Variants in AUTS2 observed in about 807,000 individuals in gnomAD.
AUTS2 encodes autism susceptibility gene 2 protein.
A neutral mutation model predicts 112.4 loss-of-function variants in AUTS2; 17 were observed. The observed-to-expected ratio is 0.15, with a 90% CI of 0.10 to 0.23. The LOEUF is 0.23. AUTS2 is among the 10% of genes least tolerant of loss of function. The pLI, the probability that AUTS2 is intolerant of heterozygous loss-of-function variation, is 1.00. For missense variants in AUTS2, 1,510 were observed against 1,701.6 expected (o/e 0.89, Z 1.98); for synonymous variants, 751 against 702.7 (o/e 1.07, Z -1.09).
intron 1 of AUTS2, among the ~76,000 whole-genome samples, chr7:69,774,645 A>C (rs1462048429): frequency 1.3e-5 from 2 of 152,246 alleles, no homozygotes; most frequent in Non-Finnish European, 2.9e-5. Context: ...ACCATGAGGG[A>C]AATTTTTGAG....
chr7:70,281,480 CT>C lies in AUTS2; in HGVS notation c.660+146912del, dbSNP rs201914399. Among the ~76,000 whole-genome samples, 1,074 of 152,292 alleles carry C rather than the reference CT, an allele frequency of 7.1e-3. 6 individuals are homozygous for C. Among genetic ancestry groups the C allele is most frequent in the Non-Finnish European group, 0.012 (830 of 68,028 alleles). On this transcript the variant is annotated intron_variant, in intron 4 of 18. Transcript: ENST00000342771. ...AGCAAGTGCTGTAGAAAGTTTTCTT[CT>C]TTGTAGTTAAAGTGATAGGGTGGAA... is the stretch of plus-strand genomic sequence containing the variant.
intron 5 of AUTS2, among the ~76,000 whole-genome samples, chr7:70,497,254 A>G (rs905141779): frequency 6.7e-6 from 1 of 150,098 alleles, no homozygotes; most frequent in Non-Finnish European, 1.5e-5. Flanking sequence ...CACCACGTAC[A>G]CAGTCACACA....
intron 5 of AUTS2, among the ~76,000 whole-genome samples, chr7:70,669,156 A>G (rs1310605551): frequency 6.6e-6 from 1 of 152,242 alleles, no homozygotes; most frequent in African/African-American, 2.4e-5. Flanking sequence ...AACAGCGGTC[A>G]GAAGTGAGGC....
chr7:70,102,640 C>T (rs1804560621), intron 2 of AUTS2, among the ~76,000 whole-genome samples: 1 of 151,828 alleles, frequency 6.6e-6, no homozygotes, highest in Admixed American at 6.6e-5. Context: ...TATTCTTTTC[C>T]TTCTAATAAT....
intron 4 of AUTS2, among the ~76,000 whole-genome samples, chr7:70,179,514 C>A (rs561069959): frequency 6.6e-5 from 10 of 152,346 alleles, no homozygotes; most frequent in African/African-American, 2.4e-4. Flanking sequence ...TGTCTGACTT[C>A]TGTGTCCATC....
chr7:69,643,337 A>T (rs1476804842), intron 1 of AUTS2: 1 of 153,684 alleles, frequency 6.5e-6, no homozygotes, highest in Non-Finnish European at 1.5e-5. Flanking sequence ...TCAAGGTGAG[A>T]TGATCACACA....
chr7:69,876,181 A>G (rs1017882235), intron 1 of AUTS2, among the ~76,000 whole-genome samples: 1 of 150,524 alleles, frequency 6.6e-6, no homozygotes, highest in African/African-American at 2.4e-5. Context: ...CCTAACGAAC[A>G]CGGTGAAACC....
At chr7:69,999,543 A>G (rs1478717684) in intron 2 of AUTS2, among the ~76,000 whole-genome samples, 1 of 152,214 alleles carries the variant, frequency 6.6e-6, no homozygotes, top group African/African-American at 2.4e-5. Context: ...AGTGTTTAAA[A>G]TGACCTTTCT....
intron 4 of AUTS2, among the ~76,000 whole-genome samples, chr7:70,193,254 C>T (rs1458982944): frequency 2.0e-5 from 3 of 152,070 alleles, no homozygotes; most frequent in East Asian, 3.9e-4. Flanking sequence ...ATTATCTAAA[C>T]GTATGCATTT....
chr7:69,718,918 C>T lies in AUTS2; in HGVS notation c.309+118956C>T, dbSNP rs529897404. Among the ~76,000 whole-genome samples the T allele has an allele frequency of 7.2e-5, 11 of 152,306 alleles. No homozygotes were observed. In the South Asian group the frequency reaches 2.3e-3, roughly 32 times the overall value. On this transcript the variant is annotated intron_variant, in intron 1 of 18. Transcript: ENST00000342771. Reference sequence around the variant, plus strand: ...TATCACTGCTTAAAGCCTCACTCTTCTTCATTGTGACAAAACCCCAGCCAC... The same window carrying T: ...TATCACTGCTTAAAGCCTCACTCTTTTTCATTGTGACAAAACCCCAGCCAC...
chr7:70,172,564 T>C (rs1440958053), intron 4 of AUTS2, among the ~76,000 whole-genome samples: 1 of 152,214 alleles, frequency 6.6e-6, no homozygotes, highest in African/African-American at 2.4e-5. Context: ...GAGATGCAGA[T>C]AGATTCTGTA....
At position 70,784,882 on chromosome 7, in the gene AUTS2, G is replaced by C. The variant is rs3817575; in HGVS notation, c.2147-60G>C. On this transcript the variant is annotated intron_variant, in intron 15 of 18. Transcript: ENST00000342771. ...CGGGGCCCTTAAGCAAGTAGAAGCC[G>C]GTTGCATCTTCGAAGTTGGCTTTTT... 1.1e-5 allele frequency: 17 copies of C among 1,500,146 alleles called. No individual in the cohort carries two copies. In the Admixed American group the frequency reaches 1.5e-4, roughly 13 times the overall value. The allele number at this position is 1,500,146 out of a possible 1,614,324, so 92.9% of individuals were successfully genotyped here.
chr7:70,397,275 G>A (rs1794129220), intron 4 of AUTS2, among the ~76,000 whole-genome samples: 1 of 151,980 alleles, frequency 6.6e-6, no homozygotes, highest in Admixed American at 6.6e-5. Flanking sequence ...ATGTTAGCCA[G>A]ACTGGTCTCG....
chr7:70,583,225 G>A (rs192561696), intron 5 of AUTS2, among the ~76,000 whole-genome samples: 6 of 152,222 alleles, frequency 3.9e-5, no homozygotes, highest in African/African-American at 9.6e-5. Context: ...TAAGTCTTAC[G>A]GTAAGATATC....
At chr7:70,303,500 A>C (rs1267896658) in intron 4 of AUTS2, among the ~76,000 whole-genome samples, 3 of 151,576 alleles carry the variant, frequency 2.0e-5, no homozygotes, top group African/African-American at 7.3e-5. Context: ...CCAGAGTATC[A>C]CATAATCACT....
intron 4 of AUTS2, among the ~76,000 whole-genome samples, chr7:70,257,685 T>G (rs577564545): frequency 3.4e-4 from 51 of 151,588 alleles, no homozygotes; most frequent in Non-Finnish European, 6.3e-4. Context: ...CTCAAACTTC[T>G]GGGCCTGAGC....
chr7:70,269,765 A>C lies in AUTS2; in HGVS notation c.660+135194A>C, dbSNP rs1231424224. Among the ~76,000 whole-genome samples, 8 of 152,208 alleles carry C rather than the reference A, an allele frequency of 5.3e-5. 1 individual carries two copies. The South Asian group carries it at 1.5e-3, about 28-fold the overall frequency. ...TACTATCTCACCTCTCTCATAGCCC[A>C]TAACAGCAAACCAAACTCTTTGGCT... On this transcript the variant is annotated intron_variant, in intron 4 of 18. Transcript: ENST00000342771.
At chr7:70,283,180 T>TACA (rs1788302717) in intron 4 of AUTS2, among the ~76,000 whole-genome samples, 1 of 152,212 alleles carries the variant, frequency 6.6e-6, no homozygotes, top group Non-Finnish European at 1.5e-5. Flanking sequence ...CAAAGTGGCT[T>TACA]ACATATGGGT....
At chr7:69,955,744 C>CA (rs1315010809) in intron 2 of AUTS2, among the ~76,000 whole-genome samples, 2 of 152,110 alleles carry the variant, frequency 1.3e-5, no homozygotes, top group Non-Finnish European at 2.9e-5. Context: ...GTGGCATGGG[C>CA]AGGGGGCTCA....
Sources: gnomAD v4.1 joint callset for allele counts (sites outside exome capture counted in the v4.1 genomes callset) on GRCh38, gnomAD v4.1.1 for gene constraint, MANE v1.5 for transcripts, NCBI Gene and HGNC (gene_info 2026-07-23, HGNC 2026-07-21) for gene names.